Variants in ADGRL2 observed in about 807,000 individuals in gnomAD.
ADGRL2 encodes the protein adhesion G protein-coupled receptor L2.
A neutral mutation model predicts 157.4 loss-of-function variants in ADGRL2; 44 were observed. The observed-to-expected ratio is 0.28, with a 90% CI of 0.22 to 0.36. The LOEUF is 0.36. Among genes scored for constraint, ADGRL2 ranks in the 10% least tolerant of loss-of-function variants. The pLI, the probability that ADGRL2 is intolerant of heterozygous loss-of-function variation, is 1.00. For missense variants in ADGRL2, 1,510 were observed against 1,768.9 expected (o/e 0.85, Z 2.63); for synonymous variants, 585 against 624.7 (o/e 0.94, Z 0.95).
At chr1:81,977,326 G>A (rs3828118) in intron 17 of ADGRL2, among the ~76,000 whole-genome samples, 46,385 of 151,554 alleles carry the variant, frequency 0.31, 7,238 homozygotes, top group Admixed American at 0.32. Flanking sequence ...TTAAGTGAGG[G>A]GAGCAAAAGA....
At chr1:81,920,787 T>C (rs2094959528) in intron 3 of ADGRL2, among the ~76,000 whole-genome samples, 1 of 151,930 alleles carries the variant, frequency 6.6e-6, no homozygotes, top group African/African-American at 2.4e-5. Flanking sequence ...GTGCTTCCCT[T>C]GTTATCCAAC....
intron 2 of ADGRL2, among the ~76,000 whole-genome samples, chr1:81,580,546 T>G (rs1419485852): frequency 6.6e-6 from 1 of 151,770 alleles, no homozygotes; most frequent in African/African-American, 2.4e-5. Flanking sequence ...AGGTCAGGAG[T>G]GCTGAGAGCT....
intron 1 of ADGRL2, among the ~76,000 whole-genome samples, chr1:81,375,337 G>T (rs902621742): frequency 1.3e-5 from 2 of 152,166 alleles, no homozygotes; most frequent in Admixed American, 6.5e-5. Flanking sequence ...AGATGAAGTG[G>T]AGCGGTAAAG....
intron 1 of ADGRL2, among the ~76,000 whole-genome samples, chr1:81,736,142 C>CAAA (rs71085371): frequency 1.3e-4 from 12 of 92,584 alleles, no homozygotes; most frequent in Admixed American, 4.1e-4. Flanking sequence ...GACCCCGTCT[C>CAAA]AAAAAAAAAA....
At chr1:81,492,491 G>A (rs1290765669) in intron 2 of ADGRL2, among the ~76,000 whole-genome samples, 2 of 152,098 alleles carry the variant, frequency 1.3e-5, no homozygotes, top group African/African-American at 4.8e-5. Flanking sequence ...AATGAGAAAT[G>A]TAATAAAAAA....
intron 2 of ADGRL2, among the ~76,000 whole-genome samples, chr1:81,474,585 G>A (rs2078235042): frequency 6.6e-6 from 1 of 152,168 alleles, no homozygotes; most frequent in South Asian, 2.1e-4. Flanking sequence ...TAAGGGGAGG[G>A]ATTGCTGGTC....
chr1:81,653,087 G>A (rs1324482992), intron 3 of ADGRL2, among the ~76,000 whole-genome samples: 3 of 151,992 alleles, frequency 2.0e-5, no homozygotes, highest in African/African-American at 4.8e-5. Context: ...TAATCTAGAT[G>A]CTTATTCAGA....
At position 81,618,057 on chromosome 1, in the gene ADGRL2, T is replaced by G. The variant is rs190512985; in HGVS notation, c.-143+37077T>G. Among the ~76,000 whole-genome samples, 6 of 148,604 alleles carry G rather than the reference T, an allele frequency of 4.0e-5. No homozygotes were observed. The East Asian group carries it at 1.2e-3, about 29-fold the overall frequency. ...CAAAAAACTTTATTGTTAAAGGTTA[T>G]GTTGGGTTTTTTTTTTCCTTCCAAT... is the stretch of plus-strand genomic sequence containing the variant. On this transcript the variant is annotated intron_variant, in intron 3 of 24. Transcript: ENST00000370721.
intron 1 of ADGRL2, among the ~76,000 whole-genome samples, chr1:81,393,370 A>G (rs2076594477): frequency 6.6e-6 from 1 of 151,898 alleles, no homozygotes; most frequent in African/African-American, 2.4e-5. Flanking sequence ...AAAAAAAAAA[A>G]AGCATTGTAC....
chr1:81,725,679 T>C (rs1275979420), intron 1 of ADGRL2, among the ~76,000 whole-genome samples: 1 of 152,256 alleles, frequency 6.6e-6, no homozygotes, highest in Non-Finnish European at 1.5e-5. Context: ...CCTTATCTGA[T>C]TTATTTAACT....
intron 3 of ADGRL2, among the ~76,000 whole-genome samples, chr1:81,646,610 T>C (rs2148822949): frequency 6.6e-6 from 1 of 152,316 alleles, no homozygotes; most frequent in Non-Finnish European, 1.5e-5. Context: ...GGAGCCATAG[T>C]GAGGCACGGT....
At chr1:81,626,580 T>C (rs1214612807) in intron 3 of ADGRL2, among the ~76,000 whole-genome samples, 2 of 152,224 alleles carry the variant, frequency 1.3e-5, no homozygotes, top group African/African-American at 4.8e-5. Context: ...GCCTGAATGC[T>C]GTACTTTCAC....
At chr1:81,588,445 C>T (rs1023918338) in intron 3 of ADGRL2, 2 of 152,158 alleles carry the variant, frequency 1.3e-5, no homozygotes, top group African/African-American at 2.4e-5. Flanking sequence ...TCCTGGGCTC[C>T]TGTATAAGAT....
intron 3 of ADGRL2, chr1:81,586,390 A>T (rs2081026661): frequency 6.6e-6 from 1 of 152,062 alleles, no homozygotes; most frequent in African/African-American, 2.4e-5. Context: ...GGAGGAAAAA[A>T]AAAATGAATA....
At chr1:81,362,611 C>A (rs2075998457) in intron 1 of ADGRL2, among the ~76,000 whole-genome samples, 1 of 151,808 alleles carries the variant, frequency 6.6e-6, no homozygotes. Context: ...GGAAATATAG[C>A]AGTGATCAAT....
intron 1 of ADGRL2, among the ~76,000 whole-genome samples, chr1:81,748,319 A>G (rs1413082219): frequency 6.6e-6 from 1 of 152,004 alleles, no homozygotes. Flanking sequence ...TCTACTAAAA[A>G]TACAAAAATT....
intron 2 of ADGRL2, among the ~76,000 whole-genome samples, chr1:81,546,327 C>T (rs372227801): frequency 1.0e-3 from 156 of 152,206 alleles, no homozygotes; most frequent in Middle Eastern, 6.8e-3. Flanking sequence ...CTCCTTTTTT[C>T]TTTTTTGAAT....
chr1:81,438,041 A>G lies in ADGRL2; in HGVS notation c.-301-6995A>G, dbSNP rs867424578. On this transcript the variant is annotated intron_variant, in intron 1 of 24. Transcript: ENST00000370721. Reference sequence around the variant, plus strand: ...TCTTTATTTTCAGCCTGTTTGGGGAAAAAAAAAAAAAAGCTGTATCCATTC... The same window carrying G: ...TCTTTATTTTCAGCCTGTTTGGGGAGAAAAAAAAAAAAGCTGTATCCATTC... 1.6e-3 allele frequency among the ~76,000 whole-genome samples: 56 copies of G among 33,964 alleles called. 1 individual carries two copies. In the Middle Eastern group the frequency reaches 0.096, roughly 58 times the overall value. The allele number at this position is 33,964 out of a possible 152,430, so 22.3% of individuals were successfully genotyped here.
At chr1:81,396,012 C>T (rs909491224) in intron 1 of ADGRL2, among the ~76,000 whole-genome samples, 1 of 152,096 alleles carries the variant, frequency 6.6e-6, no homozygotes, top group East Asian at 1.9e-4. Context: ...TGGTTATTCA[C>T]AGTCTCTTGA....
Sources: allele counts gnomAD v4.1 joint callset (sites outside exome capture counted in the v4.1 genomes callset), GRCh38; gene constraint gnomAD v4.1.1; transcripts MANE v1.5; gene names NCBI Gene and HGNC (gene_info 2026-07-23, HGNC 2026-07-21).